C12orf42: variants seen among roughly 807,000 people sequenced by gnomAD.
C12orf42 encodes the protein uncharacterized protein C12orf42.
Under a neutral mutation model 21.6 loss-of-function variants are expected in C12orf42, and 25 were observed. The ratio of observed to expected loss-of-function variants is 1.16; its 90% confidence interval spans 0.84 to 1.62. The LOEUF (loss-of-function observed/expected upper bound fraction) is 1.62, where lower values mean the gene tolerates loss of function less well. Among genes scored for constraint, C12orf42 ranks in the 40% most tolerant of loss-of-function variants. The pLI is 0.00. For missense variants in C12orf42, 483 were observed against 459.3 expected (o/e 1.05, Z -0.47); for synonymous variants, 174 against 175.0 (o/e 0.99, Z 0.05).
At chr12:103,359,506 A>G (rs1204961095) in intron 4 of C12orf42, among the ~76,000 whole-genome samples, 1 of 152,102 alleles carries the variant, frequency 6.6e-6, no homozygotes, top group Middle Eastern at 3.2e-3. Context: ...ATATATATAT[A>G]TACAAGGATG....
At chr12:103,152,015 A>C in the C12orf42 span, 1 of 152,230 alleles carries the variant, frequency 6.6e-6, no homozygotes, top group African/African-American at 2.4e-5. Context: ...TGCTGGCTTC[A>C]AAAATGGAAG....
At chr12:103,551,271 T>G in the C12orf42 span, among the ~76,000 whole-genome samples, 1 of 152,224 alleles carries the variant, frequency 6.6e-6, no homozygotes, top group African/African-American at 2.4e-5. Context: ...ATATTTTATA[T>G]CTAAGCAGGC....
the C12orf42 span, among the ~76,000 whole-genome samples, chr12:103,560,095 T>G: frequency 6.6e-6 from 1 of 152,238 alleles, no homozygotes; most frequent in African/African-American, 2.4e-5. Flanking sequence ...TAAATTTATG[T>G]AAATAATAAA....
the C12orf42 span, among the ~76,000 whole-genome samples, chr12:103,165,600 A>G: frequency 1.3e-5 from 2 of 152,178 alleles, no homozygotes; most frequent in African/African-American, 4.8e-5. Context: ...TCTTTAACAA[A>G]TGCAATTAAA....
the C12orf42 span, among the ~76,000 whole-genome samples, chr12:103,218,791 T>C: frequency 1.3e-5 from 2 of 152,334 alleles, no homozygotes; most frequent in South Asian, 4.1e-4. Flanking sequence ...CCACAGTAGA[T>C]TGACCTTTCC....
intron 1 of C12orf42, among the ~76,000 whole-genome samples, chr12:103,487,326 C>T (rs1260155194): frequency 6.6e-6 from 1 of 152,052 alleles, no homozygotes; most frequent in Non-Finnish European, 1.5e-5. Context: ...GAGACAATTT[C>T]TTGTGATTTC....
intron 4 of C12orf42, among the ~76,000 whole-genome samples, chr12:103,281,684 C>A (rs765673297): frequency 2.0e-5 from 3 of 151,982 alleles, no homozygotes; most frequent in Non-Finnish European, 4.4e-5. Flanking sequence ...AAGTGAGGGT[C>A]TCACTCTGTA....
chr12:103,181,441 C>T, the C12orf42 span, among the ~76,000 whole-genome samples: 3 of 152,162 alleles, frequency 2.0e-5, no homozygotes, highest in Non-Finnish European at 4.4e-5. Flanking sequence ...ACTTTCCAAA[C>T]TTTGAAATGG....
At chr12:103,529,431 C>T in the C12orf42 span, among the ~76,000 whole-genome samples, 1 of 152,190 alleles carries the variant, frequency 6.6e-6, no homozygotes, top group African/African-American at 2.4e-5. Flanking sequence ...CAGCTAACTG[C>T]TTTTGTGGTT....
At chr12:103,413,896 C>A (rs1729591482) in intron 2 of C12orf42, among the ~76,000 whole-genome samples, 1 of 151,816 alleles carries the variant, frequency 6.6e-6, no homozygotes, top group African/African-American at 2.4e-5. Context: ...TTTTCTTTAT[C>A]CACTCATTGG....
At chr12:103,246,725 A>G (rs2136183467) in intron 10 of C12orf42, among the ~76,000 whole-genome samples, 1 of 152,192 alleles carries the variant, frequency 6.6e-6, no homozygotes, top group South Asian at 2.1e-4. Context: ...TTGTGGCCCA[A>G]CAGATGGAGG....
chr12:103,221,921 A>G, the C12orf42 span, among the ~76,000 whole-genome samples: 1 of 152,186 alleles, frequency 6.6e-6, no homozygotes, highest in African/African-American at 2.4e-5. Context: ...TCCCTGTGTC[A>G]ACAAACATAG....
chr12:103,350,765 T>C (rs2043038918), intron 4 of C12orf42, among the ~76,000 whole-genome samples: 1 of 152,188 alleles, frequency 6.6e-6, no homozygotes, highest in Admixed American at 6.5e-5. Context: ...ACATCCTTGA[T>C]AATGTTCTTT....
the C12orf42 span, among the ~76,000 whole-genome samples, chr12:103,061,177 T>C: frequency 2.0e-5 from 3 of 152,272 alleles, no homozygotes; most frequent in South Asian, 4.1e-4. Context: ...GAGTGTCTCA[T>C]TACTGCTTCT....
the C12orf42 span, among the ~76,000 whole-genome samples, chr12:103,529,721 T>G: frequency 6.6e-6 from 1 of 152,198 alleles, no homozygotes; most frequent in Non-Finnish European, 1.5e-5. Flanking sequence ...CACTGATCAT[T>G]TCAACCTGCA....
At chr12:103,268,549 T>C (rs972929623) in exon 7 of C12orf42, 1 of 151,708 alleles carries the variant, frequency 6.6e-6, no homozygotes, top group African/African-American at 2.4e-5. Context: ...GTCTTTAAAG[T>C]GTGACTGTTG....
chr12:103,477,552 C>T (rs1954151604), intron 2 of C12orf42, among the ~76,000 whole-genome samples: 1 of 151,916 alleles, frequency 6.6e-6, no homozygotes, highest in Admixed American at 6.6e-5. Flanking sequence ...CTGGATTATC[C>T]AGGATCCAGT....
At chr12:103,545,199 C>T in the C12orf42 span, among the ~76,000 whole-genome samples, 1 of 152,110 alleles carries the variant, frequency 6.6e-6, no homozygotes, top group African/African-American at 2.4e-5. Context: ...ATCTTATCTA[C>T]CATTCTTTCA....
intron 10 of C12orf42, among the ~76,000 whole-genome samples, chr12:103,253,154 C>T (rs908815897): frequency 4.6e-5 from 7 of 152,002 alleles, no homozygotes; most frequent in East Asian, 1.9e-4. Context: ...TGTTCTGTTC[C>T]GTTGGTCTAT....
Sources: allele counts gnomAD v4.1 joint callset (sites outside exome capture counted in the v4.1 genomes callset), GRCh38; gene constraint gnomAD v4.1.1; transcripts MANE v1.5; gene names NCBI Gene and HGNC (gene_info 2026-07-23, HGNC 2026-07-21).